MUC15: variants seen among roughly 807,000 people sequenced by gnomAD.
The protein encoded by MUC15 is mucin 15, cell surface associated, also known as mucin-15.
In MUC15, 23 loss-of-function variants were observed where a neutral mutation model predicts 24.0. The ratio of observed to expected loss-of-function variants is 0.96; its 90% CI spans 0.69 to 1.36. The LOEUF is 1.36. Ranked by LOEUF, MUC15 falls within the 40% of genes most tolerant of loss-of-function variation. MUC15 has a pLI of 0.00. For missense variants in MUC15, 442 were observed against 428.2 expected (o/e 1.03, Z -0.29); for synonymous variants, 151 against 156.3 (o/e 0.97, Z 0.25).
Position 26,559,734 on chromosome 11 carries a change from G to A in MUC15, c.*1331C>T, listed in dbSNP as rs1227082623. ...TTCTACTCAGGTGACATATTTGTTC[G>A]ATAATGGAGGGACAGTCTTCTTTGC... On this transcript the variant is annotated 3_prime_UTR_variant, in exon 5 of 5. Coordinates refer to ENST00000529533, the MANE Select transcript of MUC15 (RefSeq NM_001135091.2). The A allele has an allele frequency of 1.2e-6, 2 of 1,611,584 alleles. No homozygotes were observed. The highest frequency in any genetic ancestry group is 1.7e-6 in the Non-Finnish European group (2 of 1,178,222).
At chr11:26,563,391 CTCTCTG>C (rs1850376165) in intron 3 of MUC15, 126 bp from the exon 4 acceptor site, 7 of 840,856 alleles carry the variant, frequency 8.3e-6, no homozygotes, top group Non-Finnish European at 9.9e-6. Flanking sequence ...GTGTGTTTCT[CTCTCTG>C]TGTGTGTGTG....
chr11:26,565,269 C>G lies in MUC15; in HGVS notation c.671G>C (p.Ser224Thr). The G allele has an allele frequency of 6.2e-7, 1 of 1,601,072 alleles. No homozygotes were observed. Among genetic ancestry groups the G allele is most frequent in the Non-Finnish European group, 8.5e-7 (1 of 1,172,692 alleles). ...TTGATAAGGGGTAAACCCAGTGAAG[C>G]TATCACTGTTTGTGGTAAGCCATCC... ...PSGWLTTNSD[S>T]FTGFTPYQEK... Residue 224 changes from serine to threonine, a missense_variant, in exon 3 of 5, where the codon AGC becomes ACC. By Grantham distance (58) the Ser-to-Thr change is moderately conservative (BLOSUM62 1). Transcript: ENST00000529533.
chr11:26,569,007 T>TG (rs368957069), intron 1 of MUC15, among the ~76,000 whole-genome samples: 111 of 152,098 alleles, frequency 7.3e-4, no homozygotes, highest in Middle Eastern at 3.4e-3. Context: ...TGGTCACCAG[T>TG]GGGGGGAAAA....
At chr11:26,565,022 G>T (rs1181187796) in intron 3 of MUC15, 143 bp downstream of exon 3, 1 of 752,922 alleles carries the variant, frequency 1.3e-6, no homozygotes, top group Non-Finnish European at 2.0e-6. Context: ...TGACTATAAT[G>T]ATCATCCCTC....
intron 4 of MUC15, 81 bp from the exon 5 acceptor site, chr11:26,561,306 T>C: frequency 9.9e-7 from 1 of 1,014,184 alleles, no homozygotes; most frequent in South Asian, 2.4e-5. Flanking sequence ...GTTATAGGAA[T>C]TATTCTAGAT....
chr11:26,559,866 A>G lies in MUC15; in HGVS notation c.*1199T>C. 2.3e-6 allele frequency: 2 copies of G among 882,076 alleles called. No individual in the cohort carries two copies. Among genetic ancestry groups the G allele is most frequent in the Non-Finnish European group, 3.7e-6 (2 of 535,050 alleles). The allele number at this position is 882,076 out of a possible 1,614,324, so 54.6% of individuals were successfully genotyped here. A position where few individuals can be genotyped will look rare whatever the true frequency, so the allele number is the denominator to read the frequency against. On this transcript the variant is annotated 3_prime_UTR_variant, in exon 5 of 5. Transcript: ENST00000529533. ...CACACACACACACACACACACACAC[A>G]CACACACACCATGAATCAATTCAAA...
At chr11:26,570,116 T>C (rs61877056) in intron 1 of MUC15, among the ~76,000 whole-genome samples, 4,810 of 152,224 alleles carry the variant, frequency 0.032, 110 homozygotes, top group Non-Finnish European at 0.051. Context: ...TTCTAAACTT[T>C]CCTGTATATA....
In MUC15 at chr11:26,559,597, C is replaced by T. The variant is rs1324605661; in HGVS notation, c.*1468G>A. ...TGAAAGGAATTCATATATAATATTT[C>T]TGTACTATAAAATAATATGATTCTA... is the stretch of plus-strand genomic sequence containing the variant. On this transcript the variant is annotated 3_prime_UTR_variant, in exon 5 of 5. Transcript: ENST00000529533. 2.8e-6 allele frequency: 2 copies of T among 702,942 alleles called. No individual in the cohort carries two copies. Among genetic ancestry groups the T allele is most frequent in the Admixed American group, 2.1e-5 (1 of 47,900 alleles). 43.5% of individuals were successfully genotyped at this position (702,942 alleles called of 1,614,324 possible). A position where few individuals can be genotyped will look rare whatever the true frequency, so the allele number is the denominator to read the frequency against.
chr11:26,566,908 TTAGG>T (rs1850611035), intron 2 of MUC15, 140 bp downstream of exon 2: 2 of 607,118 alleles, frequency 3.3e-6, no homozygotes, highest in Non-Finnish European at 5.0e-6. Context: ...ATGGGCTGAC[TTAGG>T]TAGCAGCACT....
chr11:26,570,683 G>C (rs1418402208), intron 1 of MUC15, among the ~76,000 whole-genome samples: 1 of 152,108 alleles, frequency 6.6e-6, no homozygotes, highest in Non-Finnish European at 1.5e-5. Context: ...TCTTCTCACA[G>C]ATGTTAGGCT....
rs781616559 is a variant in MUC15, at chr11:26,563,196, A to T, written c.845T>A (p.Leu282His). 1 of 1,612,642 alleles carries T rather than the reference A, an allele frequency of 6.2e-7. No individual in the cohort carries two copies. The highest frequency in any genetic ancestry group is 1.1e-5 in the South Asian group (1 of 90,988). ...GAILGVSLLT[L>H]VGYLLCGKRK... ...TTTTCCACACAACAAGTAGCCCACA[A>T]GAGTAAGCAATGAGACACCCAGAAT... The change falls in exon 4 of 5, where the codon CTT (leucine) becomes CAT (histidine). Residue 282 changes from leucine to histidine, a missense_variant. Coordinates refer to ENST00000529533, the MANE Select transcript of MUC15 (RefSeq NM_001135091.2).
intron 1 of MUC15, among the ~76,000 whole-genome samples, chr11:26,571,030 C>T (rs1472889732): frequency 6.6e-6 from 1 of 151,960 alleles, no homozygotes; most frequent in East Asian, 1.9e-4. Context: ...AAACAAATTT[C>T]AGAAGTTTGA....
At chr11:26,562,543 A>T (rs376256) in intron 4 of MUC15, among the ~76,000 whole-genome samples, 111,341 of 151,758 alleles carry the variant, frequency 0.73, 41,110 homozygotes, top group Admixed American at 0.8. Context: ...CATATTTCTC[A>T]TTCATAGATA....
rs549974178 is a variant in MUC15 at position 26,568,040 on chromosome 11, A to G, written c.-45-901T>C. Among the ~76,000 whole-genome samples the G allele has an allele frequency of 6.6e-5, 10 of 152,072 alleles. No homozygotes were observed. In the South Asian group the frequency reaches 1.7e-3, roughly 25 times the overall value. On this transcript the variant is annotated intron_variant, in intron 1 of 4. Coordinates refer to ENST00000529533, the MANE Select transcript of MUC15 (RefSeq NM_001135091.2). ...GGAGGTTGTGTGCTGGTGATACTCT[A>G]TTTCTCAACCTGATTGTGATTACAT...
rs1850212005 is a variant in MUC15 at position 26,559,834 on chromosome 11, TTA to T, written c.*1229_*1230del. The stretch of plus-strand genomic sequence containing the variant: ...CTTATTTTCTGAAGCTGTTTCTGTG[TTA>T]CACACACACACACACACACACACAC... On this transcript the variant is annotated 3_prime_UTR_variant, in exon 5 of 5. Coordinates refer to ENST00000529533, the MANE Select transcript of MUC15 (RefSeq NM_001135091.2). 2 of 953,196 alleles carry T rather than the reference TTA, an allele frequency of 2.1e-6. No homozygotes were observed. The highest frequency in any genetic ancestry group is 2.0e-5 in the African/African-American group (1 of 49,898). 59.0% of individuals were successfully genotyped at this position (953,196 alleles called of 1,614,324 possible). A position where few individuals can be genotyped will look rare whatever the true frequency, so the allele number is the denominator to read the frequency against.
chr11:26,569,644 T>C (rs916647382), intron 1 of MUC15, among the ~76,000 whole-genome samples: 2 of 151,982 alleles, frequency 1.3e-5, no homozygotes, highest in African/African-American at 4.8e-5. Flanking sequence ...CTAATGGAGG[T>C]GGGACAGCAA....
intron 1 of MUC15, among the ~76,000 whole-genome samples, chr11:26,569,570 A>G (rs1454603817): frequency 6.6e-6 from 1 of 152,084 alleles, no homozygotes; most frequent in Non-Finnish European, 1.5e-5. Flanking sequence ...AGTAAGGTCC[A>G]GGAGATTTGG....
chr11:26,564,722 CACACACACACATATATATAT>C (rs1303926224), intron 3 of MUC15, among the ~76,000 whole-genome samples: 64 of 66,938 alleles, frequency 9.6e-4, no homozygotes, highest in Non-Finnish European at 1.2e-3. Context: ...CACACACACA[CACACACACACATATATATAT>C]ATATATATAT....
At chr11:26,572,010 G>T in intron 1 of MUC15, 31 bp downstream of exon 1, 1 of 843,196 alleles carries the variant, frequency 1.2e-6, no homozygotes, top group Non-Finnish European at 1.4e-6. Flanking sequence ...GAGAGAAAGC[G>T]AGAGACCTAA....
Sources: gnomAD v4.1 joint callset for allele counts (sites outside exome capture counted in the v4.1 genomes callset) on GRCh38, gnomAD v4.1.1 for gene constraint, MANE v1.5 for transcripts, NCBI Gene and HGNC (gene_info 2026-07-23, HGNC 2026-07-21) for gene names.